RAPGEF2: variants seen among roughly 807,000 people sequenced by gnomAD.
RAPGEF2 encodes the protein PDZ domain containing guanine nucleotide exchange factor (GEF) 1.
RAPGEF2 carries 54 observed loss-of-function variants against 186.7 expected under a neutral mutation model. The ratio of observed to expected loss-of-function variants is 0.29; its 90% CI spans 0.23 to 0.36. The LOEUF (loss-of-function observed/expected upper bound fraction) is 0.36, where lower values mean the gene tolerates loss of function less well. RAPGEF2 is among the 10% of genes least tolerant of loss of function. The pLI is 1.00. For missense variants in RAPGEF2, 1,532 were observed against 2,045.0 expected (o/e 0.75, Z 4.84); for synonymous variants, 712 against 705.9 (o/e 1.01, Z -0.14).
chr4:159,106,549 T>C lies in RAPGEF2; in HGVS notation c.69+2318T>C, dbSNP rs946792965. Among the ~76,000 whole-genome samples, 5 of 152,178 alleles carry C rather than the reference T, an allele frequency of 3.3e-5. No homozygotes were observed. In the South Asian group the frequency reaches 1.0e-3, roughly 31 times the overall value. On this transcript the variant is annotated intron_variant, in intron 1 of 29. Transcript: ENST00000691494. Reference sequence around the variant, plus strand: ...TTTTATAATATTAGAAAAGCAACCATGTTAAATAAGCTTGATATCATGAAC... The same window carrying C: ...TTTTATAATATTAGAAAAGCAACCACGTTAAATAAGCTTGATATCATGAAC...
At chr4:159,155,517 C>G (rs1392317355) in intron 1 of RAPGEF2, among the ~76,000 whole-genome samples, 2 of 110,994 alleles carry the variant, frequency 1.8e-5, no homozygotes, top group Non-Finnish European at 3.6e-5. Context: ...GGTAGGGGAA[C>G]ATGTAAGATG....
intron 7 of RAPGEF2, among the ~76,000 whole-genome samples, chr4:159,291,896 T>C (rs6850565): frequency 3.5e-4 from 54 of 152,304 alleles, no homozygotes; most frequent in African/African-American, 1.3e-3. Context: ...AAGTAATTCA[T>C]ATTTATATTT....
At chr4:159,283,369 G>A (rs1450512122) in intron 7 of RAPGEF2, among the ~76,000 whole-genome samples, 1 of 152,046 alleles carries the variant, frequency 6.6e-6, no homozygotes, top group Non-Finnish European at 1.5e-5. Context: ...AAATGTCAAA[G>A]CTTGAGTGAA....
intron 3 of RAPGEF2, among the ~76,000 whole-genome samples, chr4:159,209,263 T>C (rs1211419720): frequency 6.7e-6 from 1 of 148,426 alleles, no homozygotes; most frequent in Non-Finnish European, 1.5e-5. Context: ...TTAAAAGTTA[T>C]GAAGTGATTT....
Position 159,323,519 on chromosome 4 carries a change from G to A in RAPGEF2, c.1051G>A (p.Ala351Thr). ...GGAAGTGACTTATCCAGATGGAAAA[G>A]CAGAAATACTGTGCATGGGAAATAG... Reference protein sequence around the residue: ...SVEVTYPDGKAEILCMGNSFG... With the variant: ...SVEVTYPDGKTEILCMGNSFG... Residue 351 changes from alanine to threonine, a missense_variant, in exon 11 of 30, where the codon GCA becomes ACA. Physicochemically the swap from Ala to Thr is moderately conservative, Grantham distance 58. This residue lies in a region of RAPGEF2 where 810 missense variants were observed against 1,210.5 expected (regional missense o/e 0.67). Transcript: ENST00000691494. 6.2e-7 allele frequency: 1 copy of A among 1,613,068 alleles called. No homozygotes were observed. The highest frequency in any genetic ancestry group is 8.5e-7 in the Non-Finnish European group (1 of 1,179,482).
chr4:159,237,942 C>G (rs1753487369), intron 4 of RAPGEF2, among the ~76,000 whole-genome samples: 1 of 146,536 alleles, frequency 6.8e-6, no homozygotes, highest in Non-Finnish European at 1.5e-5. Context: ...TGCTTGAGTT[C>G]AGGAGTTCAA....
chr4:159,312,441 C>T (rs1471055130), intron 8 of RAPGEF2, among the ~76,000 whole-genome samples: 1 of 152,092 alleles, frequency 6.6e-6, no homozygotes, highest in Non-Finnish European at 1.5e-5. Flanking sequence ...TTTTCTCTAA[C>T]CACAACCTTG....
intron 1 of RAPGEF2, among the ~76,000 whole-genome samples, chr4:159,118,320 TTGA>T (rs1739276753): frequency 6.6e-6 from 1 of 152,224 alleles, no homozygotes; most frequent in Non-Finnish European, 1.5e-5. Flanking sequence ...AATCTAATGC[TTGA>T]TGATCTGTCA....
intron 4 of RAPGEF2, among the ~76,000 whole-genome samples, chr4:159,211,027 C>A (rs774727887): frequency 1.3e-5 from 2 of 152,178 alleles, no homozygotes; most frequent in Non-Finnish European, 2.9e-5. Context: ...CTTCTCAAGA[C>A]CATATGGCCT....
At chr4:159,305,638 C>T (rs1283169883) in intron 8 of RAPGEF2, among the ~76,000 whole-genome samples, 1 of 152,082 alleles carries the variant, frequency 6.6e-6, no homozygotes, top group East Asian at 1.9e-4. Context: ...TGTGTTCACT[C>T]TGTTGATTAT....
intron 1 of RAPGEF2, among the ~76,000 whole-genome samples, chr4:159,166,825 T>G (rs1164888411): frequency 6.6e-6 from 1 of 152,168 alleles, no homozygotes; most frequent in Non-Finnish European, 1.5e-5. Flanking sequence ...CCAAAAAGGT[T>G]TCTCTGAGGA....
chr4:159,137,196 G>A (rs1213074468), intron 1 of RAPGEF2, among the ~76,000 whole-genome samples: 2 of 152,180 alleles, frequency 1.3e-5, no homozygotes, highest in Non-Finnish European at 2.9e-5. Context: ...CATAGACAGG[G>A]TGGCTTAAAC....
At chr4:159,157,332 C>G (rs1176216594) in intron 1 of RAPGEF2, among the ~76,000 whole-genome samples, 1 of 151,846 alleles carries the variant, frequency 6.6e-6, no homozygotes, top group African/African-American at 2.4e-5. Context: ...GTGTACCGTT[C>G]AGTGGTGATT....
At chr4:159,349,647 C>T (rs1368621111) in intron 25 of RAPGEF2, among the ~76,000 whole-genome samples, 1 of 152,216 alleles carries the variant, frequency 6.6e-6, no homozygotes, top group African/African-American at 2.4e-5. Context: ...TCCTAGTTAG[C>T]TCCTCTTAGC....
intron 25 of RAPGEF2, among the ~76,000 whole-genome samples, chr4:159,347,758 G>A (rs1256832338): frequency 6.6e-6 from 1 of 152,252 alleles, no homozygotes; most frequent in Non-Finnish European, 1.5e-5. Context: ...CACTCCTCCA[G>A]CCTGGGCGAA....
chr4:159,357,326 A>G (rs146623133), intron 29 of RAPGEF2, among the ~76,000 whole-genome samples: 1 of 152,186 alleles, frequency 6.6e-6, no homozygotes, highest in East Asian at 1.9e-4. Flanking sequence ...GTGCCACTGC[A>G]CCGTAGCCTA....
In RAPGEF2 at chr4:159,341,774, T is replaced by C. The variant is rs373617924; in HGVS notation, c.2745T>C (p.Cys915=). 6.2e-7 allele frequency: 1 copy of C among 1,613,904 alleles called. No homozygotes were observed. The highest frequency in any genetic ancestry group is 1.3e-5 in the African/African-American group (1 of 74,918). ...DLFKLRSKTS[C]ANLKRFEEVI... ...TTAAACTCAGATCAAAAACCAGCTG[T>C]GCCAACCTGAAGAGATTTGAAGAAG... The change falls in exon 20 of 30, where the codon TGT becomes TGC. Residue 915 remains cysteine, a synonymous_variant. Coordinates refer to ENST00000691494, the MANE Select transcript of RAPGEF2 (RefSeq NM_001394067.2).
intron 24 of RAPGEF2, 45 bp from the exon 25 acceptor site, chr4:159,346,744 C>T (rs758413247): frequency 1.3e-6 from 2 of 1,482,508 alleles, no homozygotes; most frequent in Non-Finnish European, 9.4e-7. Flanking sequence ...TACCTACTAG[C>T]ATCTAAAATT....
At chr4:159,211,838 A>G (rs7685028) in intron 4 of RAPGEF2, among the ~76,000 whole-genome samples, 72,793 of 152,000 alleles carry the variant, frequency 0.48, 19,042 homozygotes, top group African/African-American at 0.7. Flanking sequence ...AGGGAGGGAC[A>G]CTCTATTGCC....
Sources: gnomAD v4.1 joint callset for allele counts (sites outside exome capture counted in the v4.1 genomes callset) on GRCh38, gnomAD v4.1.1 for gene constraint, gnomAD v4.1.1 regional missense constraint, MANE v1.5 for transcripts, NCBI Gene and HGNC (gene_info 2026-07-23, HGNC 2026-07-21) for gene names.